Variants in CLNK observed in about 807,000 individuals in gnomAD.
CLNK encodes the protein cytokine-dependent hematopoietic cell linker.
CLNK carries 74 observed loss-of-function variants against 68.6 expected under a neutral mutation model. The ratio of observed to expected loss-of-function variants is 1.08; its 90% CI spans 0.89 to 1.31. CLNK has a LOEUF of 1.31. Ranked by LOEUF, CLNK falls within the 50% of genes most tolerant of loss-of-function variation. The probability of loss-of-function intolerance (pLI) is 0.00; values close to 1 mark genes in which losing one functional copy is unlikely to be tolerated. For missense variants in CLNK, 553 were observed against 515.3 expected (o/e 1.07, Z -0.71); for synonymous variants, 198 against 172.2 (o/e 1.15, Z -1.17).
chr4:10,514,702 A>G (rs574084082), intron 15 of CLNK, among the ~76,000 whole-genome samples: 1 of 151,316 alleles, frequency 6.6e-6, no homozygotes, highest in African/African-American at 2.4e-5. Context: ...CAAGGACTTC[A>G]TGTCCAAAAC....
intron 2 of CLNK, among the ~76,000 whole-genome samples, chr4:10,637,954 C>T (rs1359233665): frequency 6.6e-6 from 1 of 152,096 alleles, no homozygotes; most frequent in Non-Finnish European, 1.5e-5. Context: ...CCCTTAAACA[C>T]ATTAAGTGAT....
rs151050788 is a variant in CLNK at position 10,542,409 on chromosome 4, A to G, written c.446-129T>C. On this transcript the variant is annotated intron_variant, in intron 8 of 18. Coordinates refer to ENST00000226951, the MANE Select transcript of CLNK (RefSeq NM_052964.4). ...TGATAACGTCAGTTAATATTTGCTG[A>G]GATCATATGAGATACCCAGAATAAT... 2.9e-5 allele frequency: 19 copies of G among 649,440 alleles called. No individual in the cohort carries two copies. The African/African-American group carries it at 3.3e-4, about 11-fold the overall frequency. 40.2% of individuals were successfully genotyped at this position (649,440 alleles called of 1,614,324 possible). A position where few individuals can be genotyped will look rare whatever the true frequency, so the allele number is the denominator to read the frequency against.
chr4:10,490,264 A>AT lies in CLNK; in HGVS notation c.*202dup. The AT allele has an allele frequency of 4.4e-6, 2 of 450,090 alleles. No individual in the cohort carries two copies. The highest frequency in any genetic ancestry group is 3.8e-6 in the Non-Finnish European group (1 of 261,720). The allele number at this position is 450,090 out of a possible 1,614,324, so 27.9% of individuals were successfully genotyped here. ...AGTGGCCAGTTACTAGAATGTTTTT[A>AT]TTTTTTGCATGTTATAAATATTTTC... On this transcript the variant is annotated 3_prime_UTR_variant, in exon 19 of 19. Transcript: ENST00000226951.
intron 2 of CLNK, among the ~76,000 whole-genome samples, chr4:10,604,174 G>A (rs1721699759): frequency 6.6e-6 from 1 of 151,976 alleles, no homozygotes; most frequent in Admixed American, 6.6e-5. Flanking sequence ...TATTCTCTAG[G>A]GCCCAATTCT....
intron 3 of CLNK, among the ~76,000 whole-genome samples, chr4:10,586,016 A>G (rs1295186892): frequency 6.6e-6 from 1 of 152,128 alleles, no homozygotes; most frequent in Non-Finnish European, 1.5e-5. Context: ...GGAGTCTCAC[A>G]AAGAGCGTGA....
At chr4:10,553,639 A>G (rs907270937) in intron 8 of CLNK, among the ~76,000 whole-genome samples, 3 of 152,060 alleles carry the variant, frequency 2.0e-5, no homozygotes, top group African/African-American at 4.8e-5. Context: ...TTTTTAGTAG[A>G]GACAGGGTGT....
intron 5 of CLNK, among the ~76,000 whole-genome samples, chr4:10,569,301 A>C (rs1389301217): frequency 6.7e-6 from 1 of 149,700 alleles, no homozygotes; most frequent in African/African-American, 2.5e-5. Context: ...ATCTGATAGG[A>C]TTAGTGTTCT....
chr4:10,699,341 T>TACACACACACACCAC, the CLNK span, among the ~76,000 whole-genome samples: 1 of 53,118 alleles, frequency 1.9e-5, no homozygotes, highest in Non-Finnish European at 4.6e-5. Context: ...TACGTGTGTG[T>TACACACACACACCAC]ATACACACAC....
At chr4:10,679,184 CA>C (rs1375533327) in intron 1 of CLNK, among the ~76,000 whole-genome samples, 3 of 152,160 alleles carry the variant, frequency 2.0e-5, no homozygotes, top group Non-Finnish European at 4.4e-5. Flanking sequence ...ACCAATGGAA[CA>C]GAACAGAGCC....
At chr4:10,665,456 G>T (rs554923989) in intron 2 of CLNK, among the ~76,000 whole-genome samples, 1 of 152,190 alleles carries the variant, frequency 6.6e-6, no homozygotes, top group South Asian at 2.1e-4. Context: ...ATGAGGTCAG[G>T]AGACCGAGAC....
chr4:10,619,998 C>T (rs1421867076), intron 2 of CLNK, among the ~76,000 whole-genome samples: 1 of 152,118 alleles, frequency 6.6e-6, no homozygotes, highest in South Asian at 2.1e-4. Flanking sequence ...ATCACCAACC[C>T]CTGTTTTCTT....
At chr4:10,561,545 C>T (rs1719888116) in intron 7 of CLNK, among the ~76,000 whole-genome samples, 1 of 152,148 alleles carries the variant, frequency 6.6e-6, no homozygotes, top group African/African-American at 2.4e-5. Context: ...CAGTCATTTA[C>T]AGGGAAAGTT....
chr4:10,540,592 T>G lies in CLNK; in HGVS notation c.504A>C (p.Thr168=). ...IPLPPPRPLI[T]LPKKYQPLPP... is the part of the protein sequence containing the mutation. ...GCAAGGGTTGGTACTTCTTCGGAAG[T>G]GTTATGAGAGGCCTGTGTGGAGAGT... Residue 168 remains threonine, a synonymous_variant, in exon 11 of 19, where the codon ACA becomes ACC. Transcript: ENST00000226951. The G allele has an allele frequency of 6.2e-7, 1 of 1,613,476 alleles. No individual in the cohort carries two copies. Among genetic ancestry groups the G allele is most frequent in the South Asian group, 1.1e-5 (1 of 91,064 alleles).
intron 8 of CLNK, among the ~76,000 whole-genome samples, chr4:10,548,496 T>C (rs1719323538): frequency 6.6e-6 from 1 of 152,248 alleles, no homozygotes; most frequent in South Asian, 2.1e-4. Flanking sequence ...GTGGAGAAGC[T>C]TTTTAGTTTG....
intron 7 of CLNK, among the ~76,000 whole-genome samples, chr4:10,562,107 T>C (rs1260144666): frequency 6.8e-6 from 1 of 148,130 alleles, no homozygotes; most frequent in African/African-American, 2.5e-5. Context: ...TTTTCTTTTT[T>C]TTTTTTTTTT....
At chr4:10,604,018 C>T (rs1051021913) in intron 2 of CLNK, among the ~76,000 whole-genome samples, 2 of 152,134 alleles carry the variant, frequency 1.3e-5, no homozygotes, top group African/African-American at 2.4e-5. Flanking sequence ...GGGCAGGTGT[C>T]CCCGGGGAGC....
intron 12 of CLNK, among the ~76,000 whole-genome samples, chr4:10,529,165 A>C (rs768820246): frequency 6.6e-6 from 1 of 152,236 alleles, no homozygotes; most frequent in African/African-American, 2.4e-5. Context: ...GGGATGAAAG[A>C]GATCATTGAA....
chr4:10,727,302 A>C, the CLNK span, among the ~76,000 whole-genome samples: 65,517 of 152,086 alleles, frequency 0.43, 14,906 homozygotes, highest in East Asian at 0.69. Context: ...GGTGGGGCTC[A>C]TACTGAAGGT....
At chr4:10,638,555 G>T (rs1192452449) in intron 2 of CLNK, among the ~76,000 whole-genome samples, 1 of 152,122 alleles carries the variant, frequency 6.6e-6, no homozygotes, top group Admixed American at 6.5e-5. Context: ...GTGTGACAGT[G>T]GTATATTAAT....
Sources: allele counts gnomAD v4.1 joint callset (sites outside exome capture counted in the v4.1 genomes callset), GRCh38; gene constraint gnomAD v4.1.1; transcripts MANE v1.5; gene names NCBI Gene and HGNC (gene_info 2026-07-23, HGNC 2026-07-21).